The following ANKS1A variants were observed in gnomAD, a reference collection of about 807,000 sequenced individuals.
ANKS1A encodes ankyrin repeat and sterile alpha motif domain containing 1A.
ANKS1A carries 55 observed loss-of-function variants against 120.3 expected under a neutral mutation model. That is an observed-to-expected ratio of 0.46 (90% CI 0.37 to 0.57). ANKS1A has a LOEUF of 0.57. Among genes scored for constraint, ANKS1A ranks in the 20% least tolerant of loss-of-function variants. The pLI is 0.00. For missense variants in ANKS1A, 1,123 were observed against 1,480.3 expected (o/e 0.76, Z 3.96); for synonymous variants, 590 against 604.7 (o/e 0.98, Z 0.36).
intron 10 of ANKS1A, among the ~76,000 whole-genome samples, chr6:35,004,643 C>T (rs10807144): frequency 0.66 from 100,798 of 151,584 alleles, 35,789 homozygotes; most frequent in Non-Finnish European, 0.8. Flanking sequence ...GTAGGCTGGG[C>T]GTGGTGGCTC....
intron 11 of ANKS1A, among the ~76,000 whole-genome samples, chr6:35,046,757 T>C (rs1451270268): frequency 1.3e-5 from 2 of 152,222 alleles, no homozygotes; most frequent in African/African-American, 4.8e-5. Context: ...TTTATAGTTA[T>C]TTGGGGGTAG....
chr6:35,085,919 G>C lies in ANKS1A; in HGVS notation c.3286G>C (p.Gly1096Arg), dbSNP rs755466399. The change falls in exon 22 of 24, where the codon GGC becomes CGC. Residue 1096 changes from glycine (G) to arginine (R), a missense_variant. Physicochemically the swap from Gly to Arg is moderately radical, Grantham distance 125. This residue lies in a region of ANKS1A where 904 missense variants were observed against 1,130.4 expected (regional missense o/e 0.80). Transcript: ENST00000360359. This position sits in a 1 kb window ranked among gnomAD's most constrained non-coding sequence, Gnocchi z 4.7. ...SSKPVPKPRV[G>R]VRKSALEPPD... ...CAAACCGGTGCCTAAGCCTCGGGTC[G>C]GCGTGAGGAAATCCGCAGTACGTGG... is the stretch of plus-strand genomic sequence containing the variant. 6.2e-7 allele frequency: 1 copy of C among 1,608,564 alleles called. No homozygotes were observed. Among genetic ancestry groups the C allele is most frequent in the Non-Finnish European group, 8.5e-7 (1 of 1,178,232 alleles).
In ANKS1A at chr6:35,082,774, G is replaced by A. The variant is rs143033227; in HGVS notation, c.2793G>A (p.Gln931=). ...PYAPVQSWQH[Q]PEKLIFESCG... ...CCCCAGTGCAGAGTTGGCAACACCA[G>A]CCAGAGAAACTCATCTTCGAGTCCT... Residue 931 remains glutamine, a synonymous_variant, in exon 18 of 24, where the codon CAG becomes CAA. Transcript: ENST00000360359. This position sits in a 1 kb window ranked among gnomAD's most constrained non-coding sequence, Gnocchi z 4.1. The A allele has an allele frequency of 3.1e-6, 5 of 1,613,906 alleles. No individual in the cohort carries two copies. In the African/African-American group the frequency reaches 5.3e-5, roughly 17 times the overall value.
chr6:34,952,503 T>G (rs1310840784), intron 1 of ANKS1A, among the ~76,000 whole-genome samples: 1 of 152,192 alleles, frequency 6.6e-6, no homozygotes, highest in African/African-American at 2.4e-5. Context: ...GCCTCTGGAC[T>G]TTGACAAGCC....
chr6:35,088,742 G>A lies in ANKS1A; in HGVS notation c.*133G>A. 6.3e-7 allele frequency: 1 copy of A among 1,591,444 alleles called. No homozygotes were observed. On this transcript the variant is annotated 3_prime_UTR_variant, in exon 24 of 24. Transcript: ENST00000360359. ...CCTCCGCCTGCAGGACCTCCTCTTG[G>A]CCACTTGGCCTGGGCCTGCCACCAC...
chr6:34,965,626 C>T (rs951082475), intron 1 of ANKS1A, among the ~76,000 whole-genome samples: 6 of 152,134 alleles, frequency 3.9e-5, no homozygotes, highest in African/African-American at 7.2e-5. Flanking sequence ...GCTGGGATTA[C>T]AGGTGTGAGC....
chr6:34,968,919 A>G (rs1229673351), intron 2 of ANKS1A, among the ~76,000 whole-genome samples: 6 of 152,232 alleles, frequency 3.9e-5, no homozygotes, highest in Non-Finnish European at 7.3e-5. Flanking sequence ...AAACATTTCT[A>G]AAATATACTG....
At chr6:34,903,769 C>G (rs1279506912) in intron 1 of ANKS1A, among the ~76,000 whole-genome samples, 1 of 152,188 alleles carries the variant, frequency 6.6e-6, no homozygotes, top group African/African-American at 2.4e-5. Context: ...CCCGCCTCGG[C>G]CTTCCAAAGT....
intron 1 of ANKS1A, among the ~76,000 whole-genome samples, chr6:34,959,108 GC>G (rs1770510281): frequency 1.3e-5 from 2 of 152,196 alleles, no homozygotes; most frequent in African/African-American, 4.8e-5. Flanking sequence ...GCCAGCTAAG[GC>G]CACTTAGGGT....
chr6:34,899,136 C>G (rs961880898), intron 1 of ANKS1A, among the ~76,000 whole-genome samples: 2 of 152,216 alleles, frequency 1.3e-5, no homozygotes, highest in African/African-American at 4.8e-5. Context: ...TTCTGAGGCC[C>G]CTTACATCTC....
At chr6:35,078,912 T>C (rs986750906) in intron 14 of ANKS1A, among the ~76,000 whole-genome samples, 1 of 152,222 alleles carries the variant, frequency 6.6e-6, no homozygotes, top group African/African-American at 2.4e-5. Context: ...GAGGAGGTTC[T>C]GGGGGTCTGC....
At chr6:35,037,559 G>A (rs990899044) in intron 11 of ANKS1A, among the ~76,000 whole-genome samples, 17 of 152,260 alleles carry the variant, frequency 1.1e-4, no homozygotes, top group African/African-American at 3.1e-4. Flanking sequence ...GGGGAACTCT[G>A]GGAGACTCAA....
intron 1 of ANKS1A, among the ~76,000 whole-genome samples, chr6:34,963,818 T>G (rs891441784): frequency 2.0e-5 from 3 of 152,188 alleles, no homozygotes; most frequent in Non-Finnish European, 2.9e-5. Flanking sequence ...CTAATAGGTG[T>G]GAGGTGATAT....
Position 35,045,948 on chromosome 6 carries a change from GA to G in ANKS1A, c.2011-8148del, listed in dbSNP as rs375659474. On this transcript the variant is annotated intron_variant, in intron 11 of 23. Transcript: ENST00000360359. ...GTGAGCACATGAATTCTGTTTTCAGGAAAGATGAATGAGCCTTCAATGTAGT... is the reference window on the plus strand; with the variant it reads ...GTGAGCACATGAATTCTGTTTTCAGGAAGATGAATGAGCCTTCAATGTAGT... Among the ~76,000 whole-genome samples the G allele has an allele frequency of 4.5e-3, 681 of 152,326 alleles. 6 individuals carry two copies. Among genetic ancestry groups the G allele is most frequent in the Middle Eastern group, 0.02 (6 of 294 alleles).
At chr6:34,919,542 C>T (rs1043530713) in intron 1 of ANKS1A, among the ~76,000 whole-genome samples, 6 of 152,200 alleles carry the variant, frequency 3.9e-5, no homozygotes, top group African/African-American at 1.4e-4. Flanking sequence ...TACAGAACTT[C>T]CCATGCTTCA....
chr6:35,088,665 CACTGCCA>C lies in ANKS1A; in HGVS notation c.*57_*63del. On this transcript the variant is annotated 3_prime_UTR_variant, in exon 24 of 24. Coordinates refer to ENST00000360359, the MANE Select transcript of ANKS1A (RefSeq NM_015245.3). ...ACATAGACGTGGGGGCATAGGCTCC[CACTGCCA>C]CCACCGCCATCGCCTCACCTGCAGC... The C allele has an allele frequency of 1.2e-6, 2 of 1,613,714 alleles. No individual in the cohort carries two copies. Among genetic ancestry groups the C allele is most frequent in the East Asian group, 4.5e-5 (2 of 44,868 alleles).
rs754009599 is a variant in ANKS1A at position 34,985,185 on chromosome 6, G to A, written c.1116G>A (p.Ser372=). The A allele has an allele frequency of 1.3e-5, 21 of 1,614,042 alleles. No homozygotes were observed. Among genetic ancestry groups the A allele is most frequent in the African/African-American group, 2.7e-5 (2 of 74,910 alleles). The change falls in exon 8 of 24, where the codon TCG becomes TCA. Residue 372 remains serine (S), a synonymous_variant. Coordinates refer to ENST00000360359, the MANE Select transcript of ANKS1A (RefSeq NM_015245.3). ...TGTATAATGCCATCTCCTGCCATTC[G>A]TTGGACAGCATGGCCAGCGGGCGAT... ...EALYNAISCH[S]LDSMASGRSS...
At chr6:35,010,243 AT>A (rs1341565030) in intron 10 of ANKS1A, among the ~76,000 whole-genome samples, 2 of 152,200 alleles carry the variant, frequency 1.3e-5, no homozygotes, top group Non-Finnish European at 2.9e-5. Context: ...ACATAGGAAG[AT>A]AACTGGGATA....
chr6:34,932,602 C>G (rs1769042553), intron 1 of ANKS1A, among the ~76,000 whole-genome samples: 1 of 152,220 alleles, frequency 6.6e-6, no homozygotes, highest in Non-Finnish European at 1.5e-5. Flanking sequence ...CCAGGCTGGT[C>G]TTAAACTCCT....
Sources: gnomAD v4.1 joint callset for allele counts (sites outside exome capture counted in the v4.1 genomes callset) on GRCh38, gnomAD v4.1.1 for gene constraint, gnomAD v4.1.1 regional missense constraint, Gnocchi (gnomAD v3.1) non-coding constraint, MANE v1.5 for transcripts, NCBI Gene and HGNC (gene_info 2026-07-23, HGNC 2026-07-21) for gene names.